Variants in ABCC4 observed in about 807,000 individuals in gnomAD.
The protein encoded by ABCC4 is ATP-binding cassette sub-family C member 4.
A neutral mutation model predicts 168.5 loss-of-function variants in ABCC4; 102 were observed. That is an observed-to-expected ratio of 0.61 (90% CI 0.52 to 0.71). ABCC4 has a LOEUF of 0.71. Ranked by LOEUF, ABCC4 falls within the 30% of genes least tolerant of loss-of-function variation. The probability of loss-of-function intolerance (pLI) is 0.00; values close to 1 mark genes in which losing one functional copy is unlikely to be tolerated. For missense variants in ABCC4, 1,402 were observed against 1,605.8 expected (o/e 0.87, Z 2.17); for synonymous variants, 617 against 590.7 (o/e 1.04, Z -0.65).
At chr13:95,192,777 G>A (rs1405119761) in intron 9 of ABCC4, among the ~76,000 whole-genome samples, 1 of 152,150 alleles carries the variant, frequency 6.6e-6, no homozygotes, top group Non-Finnish European at 1.5e-5. Context: ...AAATTAGCCA[G>A]GCATGGTGGG....
At chr13:95,270,974 A>G (rs2040832457) in intron 1 of ABCC4, among the ~76,000 whole-genome samples, 1 of 152,180 alleles carries the variant, frequency 6.6e-6, no homozygotes, top group Non-Finnish European at 1.5e-5. Flanking sequence ...AGCCGCCTGT[A>G]GTCCCAGCTA....
chr13:95,061,999 A>C lies in ABCC4; in HGVS notation c.3366+705T>G, dbSNP rs2033316521. ...TCACTTCTGCAAAGGAGAAGAAAAG[A>C]AAATAGAATCAGAGTCCGGGAAAGG... On this transcript the variant is annotated intron_variant, in intron 26 of 30. Transcript: ENST00000645237. Among the ~76,000 whole-genome samples the C allele has an allele frequency of 5.9e-5, 9 of 152,346 alleles. 1 individual carries two copies. In the South Asian group the frequency reaches 1.9e-3, roughly 32 times the overall value.
At chr13:95,265,432 A>G (rs1305452883) in intron 1 of ABCC4, among the ~76,000 whole-genome samples, 1 of 89,014 alleles carries the variant, frequency 1.1e-5, no homozygotes, top group East Asian at 1.1e-3. Context: ...CACAATAAGA[A>G]AAAAAAAAAG....
At chr13:95,092,572 AAGGC>A (rs2034470142) in intron 20 of ABCC4, among the ~76,000 whole-genome samples, 1 of 152,196 alleles carries the variant, frequency 6.6e-6, no homozygotes, top group Admixed American at 6.5e-5. Flanking sequence ...GGATACAGCA[AAGGC>A]AGTACTAAGA....
intron 8 of ABCC4, among the ~76,000 whole-genome samples, chr13:95,201,644 G>A (rs1019876775): frequency 6.6e-6 from 1 of 152,170 alleles, no homozygotes; most frequent in African/African-American, 2.4e-5. Context: ...ACAAAGTCAC[G>A]TATGGAGAGC....
chr13:95,115,519 T>G (rs1190224825), intron 20 of ABCC4, among the ~76,000 whole-genome samples: 2 of 142,542 alleles, frequency 1.4e-5, no homozygotes, highest in Non-Finnish European at 1.5e-5. Context: ...AAAAAAAAAG[T>G]GCCTAAGTAT....
At chr13:95,128,548 C>T (rs2035860515) in intron 19 of ABCC4, among the ~76,000 whole-genome samples, 1 of 152,168 alleles carries the variant, frequency 6.6e-6, no homozygotes, top group Admixed American at 6.6e-5. Context: ...CTTTCCTTCC[C>T]AACTGAAAAA....
chr13:95,179,880 C>T (rs535897522), intron 11 of ABCC4, among the ~76,000 whole-genome samples: 12 of 152,188 alleles, frequency 7.9e-5, no homozygotes, highest in African/African-American at 2.7e-4. Flanking sequence ...CCTGGAGAAA[C>T]AAGAATTAAT....
intron 1 of ABCC4, among the ~76,000 whole-genome samples, chr13:95,282,259 A>C (rs1448704395): frequency 1.3e-5 from 2 of 152,130 alleles, no homozygotes; most frequent in Non-Finnish European, 2.9e-5. Context: ...GTGATAAAGG[A>C]GCAGGTCCAG....
At chr13:95,283,893 C>T (rs1262472565) in intron 1 of ABCC4, among the ~76,000 whole-genome samples, 1 of 136,808 alleles carries the variant, frequency 7.3e-6, no homozygotes, top group East Asian at 2.2e-4. Context: ...AGCGAAACTC[C>T]GTCTCAAAAA....
At chr13:95,259,842 C>G (rs146091972) in intron 1 of ABCC4, among the ~76,000 whole-genome samples, 1 of 142,710 alleles carries the variant, frequency 7.0e-6, no homozygotes, top group Non-Finnish European at 1.5e-5. Context: ...CATGTTACAT[C>G]TGTGTAGTGT....
intron 4 of ABCC4, among the ~76,000 whole-genome samples, chr13:95,216,452 A>G (rs2039111161): frequency 1.3e-5 from 2 of 152,178 alleles, no homozygotes; most frequent in South Asian, 4.1e-4. Context: ...GAGAACAAAT[A>G]AAAGGCAACT....
At chr13:95,112,835 G>A (rs890775193) in intron 20 of ABCC4, among the ~76,000 whole-genome samples, 5 of 152,150 alleles carry the variant, frequency 3.3e-5, no homozygotes, top group Admixed American at 2.0e-4. Context: ...CAGGGCCCGT[G>A]ATGTCAGCAG....
chr13:95,107,218 T>C (rs190302836), intron 20 of ABCC4, among the ~76,000 whole-genome samples: 3 of 152,150 alleles, frequency 2.0e-5, no homozygotes, highest in East Asian at 3.9e-4. Flanking sequence ...GATGGCACCA[T>C]TGCACTCCAG....
At chr13:95,270,246 CAAT>C (rs1333558313) in intron 1 of ABCC4, among the ~76,000 whole-genome samples, 2 of 146,364 alleles carry the variant, frequency 1.4e-5, no homozygotes, top group Non-Finnish European at 3.0e-5. Context: ...CTCTAATCAA[CAAT>C]GACTGTGGGA....
chr13:95,225,624 C>G (rs372146986), intron 4 of ABCC4, among the ~76,000 whole-genome samples: 15 of 152,142 alleles, frequency 9.9e-5, no homozygotes, highest in African/African-American at 3.6e-4. Context: ...GAGCCAAGAT[C>G]GTGCCACTGC....
At chr13:95,189,286 A>C (rs1456347844) in intron 9 of ABCC4, among the ~76,000 whole-genome samples, 1 of 150,904 alleles carries the variant, frequency 6.6e-6, no homozygotes, top group Non-Finnish European at 1.5e-5. Context: ...GGCGCCTGCC[A>C]CTGCGCCCAG....
chr13:95,287,292 C>CA (rs35969464), intron 1 of ABCC4, among the ~76,000 whole-genome samples: 38,079 of 148,908 alleles, frequency 0.26, 5,137 homozygotes, highest in East Asian at 0.43. Flanking sequence ...ACTCTGTCTC[C>CA]AAAAAAAGAG....
rs115182904 is a variant in ABCC4 at position 95,186,917 on chromosome 13, A to G, written c.1354-25T>C. ...ACTGAAACAGATTGTAAAAAAGCAC[A>G]TGTTCAGTCAACACTCGAGACAAGA... On this transcript the variant is annotated intron_variant, in intron 10 of 30. Coordinates refer to ENST00000645237, the MANE Select transcript of ABCC4 (RefSeq NM_005845.5). The G allele has an allele frequency of 2.1e-4, 336 of 1,584,936 alleles. No individual in the cohort carries two copies. In the African/African-American group the frequency reaches 4.1e-3, roughly 19 times the overall value.
Sources: gnomAD v4.1 joint callset for allele counts (sites outside exome capture counted in the v4.1 genomes callset) on GRCh38, gnomAD v4.1.1 for gene constraint, MANE v1.5 for transcripts, NCBI Gene and HGNC (gene_info 2026-07-23, HGNC 2026-07-21) for gene names.